SUSD1: variants seen among roughly 807,000 people sequenced by gnomAD.
SUSD1 encodes the protein sushi domain-containing protein 1.
In SUSD1, 65 loss-of-function variants were observed where a neutral mutation model predicts 86.9. The observed-to-expected ratio is 0.75, with a 90% CI of 0.61 to 0.92. The LOEUF is 0.92. Among genes scored for constraint, SUSD1 ranks in the 40% least tolerant of loss-of-function variants. The probability of loss-of-function intolerance (pLI) is 0.00; values close to 1 mark genes in which losing one functional copy is unlikely to be tolerated. For missense variants in SUSD1, 850 were observed against 929.7 expected (o/e 0.91, Z 1.11); for synonymous variants, 346 against 350.0 (o/e 0.99, Z 0.13).
chr9:112,041,627 C>T (rs1827741262), intron 16 of SUSD1, 135 bp from the exon 17 acceptor site: 5 of 720,504 alleles, frequency 6.9e-6, no homozygotes, highest in South Asian at 1.5e-5. Context: ...CTCAGCCACC[C>T]CTCTGTGTGT....
chr9:112,156,918 G>T (rs1321846172), intron 2 of SUSD1, among the ~76,000 whole-genome samples: 3 of 152,100 alleles, frequency 2.0e-5, no homozygotes, highest in Non-Finnish European at 4.4e-5. Flanking sequence ...CTTGAACCTG[G>T]ATATTGTCTG....
chr9:112,060,397 G>C (rs1828665094), intron 13 of SUSD1, among the ~76,000 whole-genome samples: 1 of 152,224 alleles, frequency 6.6e-6, no homozygotes, highest in Non-Finnish European at 1.5e-5. Context: ...GAGTAGCCAA[G>C]ACTACAGGCA....
chr9:112,076,945 C>A (rs188867453), intron 12 of SUSD1, among the ~76,000 whole-genome samples: 2 of 152,116 alleles, frequency 1.3e-5, no homozygotes, highest in African/African-American at 2.4e-5. Flanking sequence ...GCAATGAAGA[C>A]GTATGTTTCC....
chr9:112,097,689 G>A (rs141394794), intron 10 of SUSD1, among the ~76,000 whole-genome samples: 2,840 of 152,026 alleles, frequency 0.019, 88 homozygotes, highest in African/African-American at 0.065. Flanking sequence ...GTGAGCCACC[G>A]CACCCGGCCC....
chr9:112,117,281 C>T (rs1156697481), intron 6 of SUSD1, among the ~76,000 whole-genome samples: 1 of 152,248 alleles, frequency 6.6e-6, no homozygotes, highest in Non-Finnish European at 1.5e-5. Context: ...TCTCTCCTCT[C>T]ACATGGCTTT....
intron 12 of SUSD1, among the ~76,000 whole-genome samples, chr9:112,070,750 A>T (rs561597687): frequency 6.6e-6 from 1 of 152,350 alleles, no homozygotes. Flanking sequence ...GTATCATAAA[A>T]TTACAGCAAT....
At chr9:112,060,034 T>C (rs1828645470) in intron 13 of SUSD1, among the ~76,000 whole-genome samples, 1 of 148,302 alleles carries the variant, frequency 6.7e-6, no homozygotes, top group African/African-American at 2.5e-5. Context: ...GCGTGAAATA[T>C]AATTAGGGTA....
intron 12 of SUSD1, among the ~76,000 whole-genome samples, chr9:112,073,234 T>C (rs988428724): frequency 6.6e-6 from 1 of 152,208 alleles, no homozygotes; most frequent in African/African-American, 2.4e-5. Context: ...AGTACTTTCC[T>C]TTTTCTTGTT....
intron 1 of SUSD1, among the ~76,000 whole-genome samples, chr9:112,161,379 C>CA (rs34987440): frequency 0.52 from 72,233 of 139,194 alleles, 18,477 homozygotes; most frequent in African/African-American, 0.68. Context: ...GACTTCATCT[C>CA]AAAAAAAAAA....
chr9:112,098,064 C>T (rs185447700), intron 10 of SUSD1, among the ~76,000 whole-genome samples: 6 of 152,280 alleles, frequency 3.9e-5, no homozygotes, highest in Non-Finnish European at 5.9e-5. Flanking sequence ...TGGCCTAGTC[C>T]TGAGGCTGTA....
intron 12 of SUSD1, among the ~76,000 whole-genome samples, chr9:112,071,183 A>AG (rs772376225): frequency 6.6e-6 from 1 of 152,172 alleles, no homozygotes; most frequent in Non-Finnish European, 1.5e-5. Context: ...AAAGTAGGTC[A>AG]GGTGCAGTGG....
intron 8 of SUSD1, among the ~76,000 whole-genome samples, chr9:112,105,871 T>C (rs561232817): frequency 2.0e-5 from 3 of 152,300 alleles, no homozygotes; most frequent in South Asian, 2.1e-4. Context: ...AGACACATAA[T>C]AGGTGGTCAA....
At chr9:112,081,915 T>A (rs1428432591) in intron 10 of SUSD1, among the ~76,000 whole-genome samples, 2 of 152,220 alleles carry the variant, frequency 1.3e-5, no homozygotes, top group South Asian at 2.1e-4. Context: ...TTTAATATAC[T>A]TTGTTAACTT....
At chr9:112,111,602 C>T in intron 8 of SUSD1, 52 bp downstream of exon 8, 1 of 1,581,422 alleles carries the variant, frequency 6.3e-7, no homozygotes, top group Non-Finnish European at 8.6e-7. Flanking sequence ...TACTTCCCCA[C>T]ATTCTGTGCT....
rs773143759 is a variant in SUSD1 at position 112,058,562 on chromosome 9, C to G, written c.1975G>C (p.Ala659Pro). ...ATGGCATCATCTGGAACATCTTTGG[C>G]CAGTAGTTCTGCAGCCACGTATCCA... ...ADGYVAAELL[A>P]KDVPDDAMEI... Residue 659 changes from alanine to proline, a missense_variant, in exon 14 of 17, where the codon GCC (alanine) becomes CCC (proline). Coordinates refer to ENST00000374270, the MANE Select transcript of SUSD1 (RefSeq NM_022486.5). 6.2e-7 allele frequency: 1 copy of G among 1,614,106 alleles called. No individual in the cohort carries two copies. Among genetic ancestry groups the G allele is most frequent in the African/African-American group, 1.3e-5 (1 of 75,028 alleles).
chr9:112,133,532 G>A (rs1450880517), intron 5 of SUSD1, among the ~76,000 whole-genome samples: 6 of 152,288 alleles, frequency 3.9e-5, no homozygotes, highest in Middle Eastern at 3.4e-3. Flanking sequence ...GAATGAAACT[G>A]GACCCCTGCC....
rs551717881 is a variant in SUSD1 at position 112,124,599 on chromosome 9, T to C, written c.707-163A>G. Among the ~76,000 whole-genome samples the C allele has an allele frequency of 5.3e-5, 8 of 152,330 alleles. No individual in the cohort carries two copies. The East Asian group carries it at 1.3e-3, about 26-fold the overall frequency. ...CCAATATAAGTATGTCTGAATTTAA[T>C]AAAATTTCCAAACATGCACACATAG... On this transcript the variant is annotated intron_variant, in intron 5 of 16. Transcript: ENST00000374270.
At chr9:112,104,860 T>C (rs573027268) in intron 8 of SUSD1, 7 of 152,090 alleles carry the variant, frequency 4.6e-5, no homozygotes, top group Non-Finnish European at 1.0e-4. Context: ...GCAAAATGAT[T>C]CTACAAAGAA....
chr9:112,075,491 T>C (rs1829478184), intron 12 of SUSD1, among the ~76,000 whole-genome samples: 1 of 151,730 alleles, frequency 6.6e-6, no homozygotes, highest in Non-Finnish European at 1.5e-5. Flanking sequence ...CTTTGGGAGG[T>C]GAGATGGGAG....
Sources: gnomAD v4.1 joint callset for allele counts (sites outside exome capture counted in the v4.1 genomes callset) on GRCh38, gnomAD v4.1.1 for gene constraint, MANE v1.5 for transcripts, NCBI Gene and HGNC (gene_info 2026-07-23, HGNC 2026-07-21) for gene names.